The following NKAIN2 variants were observed in gnomAD, a reference collection of about 807,000 sequenced individuals.
The protein encoded by NKAIN2 is sodium/potassium-transporting ATPase subunit beta-1-interacting protein 2.
In NKAIN2, 14 loss-of-function variants were observed where a neutral mutation model predicts 32.6. The observed-to-expected ratio is 0.43, with a 90% CI of 0.28 to 0.67. The LOEUF (loss-of-function observed/expected upper bound fraction) is 0.67. Among genes scored for constraint, NKAIN2 ranks in the 30% least tolerant of loss-of-function variants. The probability of loss-of-function intolerance (pLI) is 0.17; values close to 1 mark genes in which losing one functional copy is unlikely to be tolerated. For missense variants in NKAIN2, 198 were observed against 258.3 expected (o/e 0.77, Z 1.60); for synonymous variants, 80 against 87.2 (o/e 0.92, Z 0.46).
chr6:124,439,715 G>GT (rs1275232531), intron 3 of NKAIN2, among the ~76,000 whole-genome samples: 3 of 151,614 alleles, frequency 2.0e-5, no homozygotes, highest in African/African-American at 7.3e-5. Context: ...CAATAAAACA[G>GT]TAACACAAGC....
chr6:124,461,645 T>G (rs777168536), intron 3 of NKAIN2, among the ~76,000 whole-genome samples: 12 of 151,804 alleles, frequency 7.9e-5, no homozygotes, highest in Non-Finnish European at 1.5e-4. Flanking sequence ...TAAAAAGCAA[T>G]GCTATTATCA....
At chr6:124,408,521 A>G (rs1212925396) in intron 3 of NKAIN2, among the ~76,000 whole-genome samples, 1 of 152,048 alleles carries the variant, frequency 6.6e-6, no homozygotes, top group Non-Finnish European at 1.5e-5. Context: ...ATGCGGCATT[A>G]TTTCTGAGGG....
chr6:124,554,068 A>G (rs1005589324), intron 3 of NKAIN2, among the ~76,000 whole-genome samples: 5 of 152,244 alleles, frequency 3.3e-5, no homozygotes, highest in African/African-American at 1.2e-4. Context: ...GTCTTAGTAT[A>G]TAGCTACAAA....
In NKAIN2 at chr6:124,815,810, T is replaced by A. The variant is rs185024202; in HGVS notation, c.536-2577T>A. Among the ~76,000 whole-genome samples the A allele has an allele frequency of 3.2e-3, 490 of 152,312 alleles. 4 individuals are homozygous for A. Among genetic ancestry groups the A allele is most frequent in the African/African-American group, 0.011 (476 of 41,580 alleles). On this transcript the variant is annotated intron_variant, in intron 5 of 6. Transcript: ENST00000368417. ...TGCTATGCTGCATGGCTTAGAATTATAAAGAAATTTTGAATTTTTTGAGGG... is the reference window on the plus strand; with the variant it reads ...TGCTATGCTGCATGGCTTAGAATTAAAAAGAAATTTTGAATTTTTTGAGGG...
chr6:124,331,427 G>A (rs1364386690), intron 2 of NKAIN2, among the ~76,000 whole-genome samples: 1 of 145,238 alleles, frequency 6.9e-6, no homozygotes, highest in Non-Finnish European at 1.5e-5. Context: ...TACACGGGAG[G>A]CCGAGGCAGG....
intron 3 of NKAIN2, among the ~76,000 whole-genome samples, chr6:124,408,842 C>T (rs1306735092): frequency 2.6e-5 from 4 of 152,116 alleles, no homozygotes; most frequent in African/African-American, 4.8e-5. Flanking sequence ...TGGAATGTTC[C>T]TCCATTTGTT....
intron 3 of NKAIN2, among the ~76,000 whole-genome samples, chr6:124,635,372 C>A (rs185811088): frequency 1.8e-4 from 28 of 151,932 alleles, no homozygotes; most frequent in African/African-American, 6.7e-4. Context: ...AGAAAACCAG[C>A]AAATGGCAAA....
intron 1 of NKAIN2, among the ~76,000 whole-genome samples, chr6:123,866,206 T>A (rs1177723652): frequency 6.6e-6 from 1 of 152,238 alleles, no homozygotes; most frequent in Admixed American, 6.5e-5. Flanking sequence ...CATCTCTTCT[T>A]GTATTTACTC....
intron 2 of NKAIN2, among the ~76,000 whole-genome samples, chr6:124,310,000 C>T (rs1426495017): frequency 1.3e-5 from 2 of 152,004 alleles, no homozygotes; most frequent in Non-Finnish European, 2.9e-5. Context: ...AGCTTATTTC[C>T]ATACATAGGT....
chr6:124,504,476 C>A, intron 3 of NKAIN2, among the ~76,000 whole-genome samples: 1 of 152,114 alleles, frequency 6.6e-6, no homozygotes, highest in African/African-American at 2.4e-5. Flanking sequence ...TCTCTTACTT[C>A]TTTTTGAATA....
At chr6:124,085,242 A>T (rs965098793) in intron 1 of NKAIN2, among the ~76,000 whole-genome samples, 1 of 152,074 alleles carries the variant, frequency 6.6e-6, no homozygotes, top group African/African-American at 2.4e-5. Flanking sequence ...TACTGAATTG[A>T]AATACCATAA....
intron 2 of NKAIN2, among the ~76,000 whole-genome samples, chr6:124,311,109 G>T (rs1476075704): frequency 6.6e-6 from 1 of 152,044 alleles, no homozygotes; most frequent in Non-Finnish European, 1.5e-5. Flanking sequence ...TATTAGGAGA[G>T]ATTTTAATAT....
At chr6:124,341,956 A>C (rs1441455495) in intron 2 of NKAIN2, among the ~76,000 whole-genome samples, 4 of 152,326 alleles carry the variant, frequency 2.6e-5, no homozygotes, top group South Asian at 2.1e-4. Flanking sequence ...GAAAAGAATA[A>C]GACCATGGTG....
At chr6:124,723,781 T>C (rs1776141603) in intron 4 of NKAIN2, among the ~76,000 whole-genome samples, 1 of 152,226 alleles carries the variant, frequency 6.6e-6, no homozygotes, top group Non-Finnish European at 1.5e-5. Flanking sequence ...AATTTTAAAC[T>C]ACTTGTGCTG....
intron 3 of NKAIN2, among the ~76,000 whole-genome samples, chr6:124,374,187 G>T (rs752195037): frequency 8.5e-5 from 13 of 152,054 alleles, no homozygotes; most frequent in Non-Finnish European, 1.3e-4. Context: ...GTATGTAGAT[G>T]CAGGCAGACT....
At chr6:124,311,231 C>A (rs1216802812) in intron 2 of NKAIN2, among the ~76,000 whole-genome samples, 2 of 152,108 alleles carry the variant, frequency 1.3e-5, no homozygotes, top group Non-Finnish European at 2.9e-5. Flanking sequence ...CAGAGCAAGT[C>A]TGCAGAGTTG....
At chr6:124,608,875 T>C (rs1036282662) in intron 3 of NKAIN2, among the ~76,000 whole-genome samples, 4 of 152,200 alleles carry the variant, frequency 2.6e-5, no homozygotes, top group Non-Finnish European at 5.9e-5. Context: ...TCCACCTCAA[T>C]GTCACTTGGC....
chr6:124,256,775 G>A (rs1238172216), intron 1 of NKAIN2, among the ~76,000 whole-genome samples: 1 of 151,810 alleles, frequency 6.6e-6, no homozygotes, highest in African/African-American at 2.4e-5. Flanking sequence ...CTAATAAACA[G>A]TAGCAAATAG....
intron 1 of NKAIN2, among the ~76,000 whole-genome samples, chr6:123,804,784 CTGTT>C (rs1236409491): frequency 2.6e-5 from 4 of 152,044 alleles, no homozygotes; most frequent in Non-Finnish European, 5.9e-5. Flanking sequence ...CTAATTTAGA[CTGTT>C]TGAGTTTTAG....
Sources: gnomAD v4.1 joint callset for allele counts (sites outside exome capture counted in the v4.1 genomes callset) on GRCh38, gnomAD v4.1.1 for gene constraint, MANE v1.5 for transcripts, NCBI Gene and HGNC (gene_info 2026-07-23, HGNC 2026-07-21) for gene names.